GATA4: variants seen among roughly 807,000 people sequenced by gnomAD.
The protein encoded by GATA4 is GATA binding protein 4, also known as transcription factor GATA-4.
In GATA4, 7 loss-of-function variants were observed where a neutral mutation model predicts 37.9. The ratio of observed to expected loss-of-function variants is 0.18; its 90% CI spans 0.11 to 0.35. The LOEUF (loss-of-function observed/expected upper bound fraction) is 0.35. Ranked by LOEUF, GATA4 falls within the 10% of genes least tolerant of loss-of-function variation. The pLI is 1.00. For synonymous variants in GATA4, 372 were observed against 292.6 expected (o/e 1.27, Z -2.77); for missense variants, 647 against 653.0 (o/e 0.99, Z 0.10).
intron 2 of GATA4, among the ~76,000 whole-genome samples, chr8:11,731,332 C>G (rs555424312): frequency 1.3e-5 from 2 of 152,316 alleles, no homozygotes; most frequent in African/African-American, 4.8e-5. Flanking sequence ...TGGAAGTAGC[C>G]TAGGTGTCCA....
At chr8:11,702,385 C>T (rs1227764604), upstream of GATA4, among the ~76,000 whole-genome samples, 1 of 151,954 alleles carries the variant, frequency 6.6e-6, no homozygotes, top group Non-Finnish European at 1.5e-5. The surrounding 1 kb of genome is among the most constrained non-coding windows in gnomAD (Gnocchi z 4.4). Context: ...GATAGCTTCC[C>T]GCTCGCCCAA....
At chr8:11,695,929 A>T (rs1244819986) in intron 1 of GATA4, among the ~76,000 whole-genome samples, 1 of 152,178 alleles carries the variant, frequency 6.6e-6, no homozygotes, top group Admixed American at 6.5e-5. Context: ...TTGAAAAATG[A>T]TCCTTTAAAA....
upstream of GATA4, among the ~76,000 whole-genome samples, chr8:11,703,573 G>T (rs189941712): frequency 1.9e-3 from 283 of 152,376 alleles, no homozygotes; most frequent in South Asian, 9.3e-3. Flanking sequence ...TCGCCAGGAA[G>T]GGATGCAGAT....
chr8:11,750,166 C>T lies in GATA4; in HGVS notation c.842C>T (p.Thr281Met), dbSNP rs387906771. Residue 281 changes from threonine to methionine, a missense_variant, in exon 4 of 7, where the codon ACG becomes ATG. Transcript: ENST00000532059. ...GCCAACTGCCAGACCACCACCACCA[C>T]GCTGTGGCGCCGCAATGCGGAGGGC... ...SCANCQTTTT[T>M]LWRRNAEGEP... 3 of 1,613,784 alleles carry T rather than the reference C, an allele frequency of 1.9e-6. No homozygotes were observed. The highest frequency in any genetic ancestry group is 1.3e-5 in the African/African-American group (1 of 74,954).
chr8:11,750,906 C>T (rs1802273451), intron 4 of GATA4, among the ~76,000 whole-genome samples: 1 of 151,920 alleles, frequency 6.6e-6, no homozygotes, highest in African/African-American at 2.4e-5. Context: ...CTGATTGTCC[C>T]ACTGCACTCC....
At chr8:11,702,419 AAGGCCTTGCAGGTCCCTGCCGC>A (rs1799707738), upstream of GATA4, among the ~76,000 whole-genome samples, 2 of 151,608 alleles carry the variant, frequency 1.3e-5, no homozygotes, top group Admixed American at 1.3e-4. This position sits in a 1 kb window ranked among gnomAD's most constrained non-coding sequence, Gnocchi z 4.4. Flanking sequence ...ACTCTCCAGG[AAGGCCTTGCAGGTCCCTGCCGC>A]AGGCCTTGGC....
At chr8:11,745,640 C>A (rs1801994211) in intron 2 of GATA4, among the ~76,000 whole-genome samples, 1 of 151,996 alleles carries the variant, frequency 6.6e-6, no homozygotes, top group African/African-American at 2.4e-5. Flanking sequence ...AAAAAGACTC[C>A]ATTCCTGCAT....
intron 4 of GATA4, among the ~76,000 whole-genome samples, chr8:11,750,465 G>A (rs1238412776): frequency 1.3e-5 from 2 of 152,210 alleles, no homozygotes; most frequent in East Asian, 1.9e-4. Flanking sequence ...GCAGTTTGAT[G>A]TGTAACAAAG....
intron 2 of GATA4, among the ~76,000 whole-genome samples, chr8:11,739,164 C>A (rs535080816): frequency 9.2e-5 from 14 of 152,338 alleles, no homozygotes; most frequent in Admixed American, 3.9e-4. Flanking sequence ...AGTGCCTAGG[C>A]AGAGATGCTT....
chr8:11,750,008 C>A, intron 3 of GATA4, 103 bp from the exon 4 acceptor site: 1 of 1,545,672 alleles, frequency 6.5e-7, no homozygotes. Context: ...AGGGCCCAGC[C>A]CTGCCTCCCG....
At chr8:11,705,284 G>C (rs910873569) in intron 1 of GATA4, among the ~76,000 whole-genome samples, 1 of 152,194 alleles carries the variant, frequency 6.6e-6, no homozygotes, top group Non-Finnish European at 1.5e-5. Flanking sequence ...AAAGCCTGGG[G>C]TGTGGAGGTG....
intron 5 of GATA4, among the ~76,000 whole-genome samples, chr8:11,755,527 A>G (rs578095761): frequency 2.9e-4 from 44 of 152,322 alleles, no homozygotes; most frequent in African/African-American, 8.4e-4. Flanking sequence ...GCAGGGTCCA[A>G]TTAATCATGT....
chr8:11,720,576 T>C (rs1800627284), intron 2 of GATA4, among the ~76,000 whole-genome samples: 1 of 152,208 alleles, frequency 6.6e-6, no homozygotes, highest in Admixed American at 6.5e-5. Flanking sequence ...CCAATGCTTA[T>C]CTTTTCTACT....
At chr8:11,730,059 G>C (rs1410690532) in intron 2 of GATA4, among the ~76,000 whole-genome samples, 1 of 152,128 alleles carries the variant, frequency 6.6e-6, no homozygotes, top group African/African-American at 2.4e-5. Context: ...CTGAGTAGCT[G>C]GAATTACTAC....
At chr8:11,684,395 G>T (rs769747137) in intron 1 of GATA4, among the ~76,000 whole-genome samples, 2 of 152,198 alleles carry the variant, frequency 1.3e-5, no homozygotes, top group Non-Finnish European at 2.9e-5. Flanking sequence ...CTTCTCAAAA[G>T]TTGAAAATGA....
chr8:11,683,224 G>A, intron 1 of GATA4: 9 of 778,244 alleles, frequency 1.2e-5, no homozygotes, highest in Non-Finnish European at 1.4e-5. Context: ...ATCCGGAGCG[G>A]GGGAGGACGG....
At chr8:11,692,408 A>G (rs1040092285), upstream of GATA4, 1 of 709,148 alleles carries the variant, frequency 1.4e-6, no homozygotes, top group Non-Finnish European at 1.7e-6. Flanking sequence ...ATTTACGTTG[A>G]TTTCTCTACC....
At chr8:11,734,561 A>G (rs1416495823) in intron 2 of GATA4, among the ~76,000 whole-genome samples, 1 of 152,140 alleles carries the variant, frequency 6.6e-6, no homozygotes, top group African/African-American at 2.4e-5. Flanking sequence ...ACCTCGGCTC[A>G]CTGCAACCTC....
At chr8:11,741,935 G>A (rs922515071) in intron 2 of GATA4, among the ~76,000 whole-genome samples, 5 of 152,198 alleles carry the variant, frequency 3.3e-5, no homozygotes, top group Non-Finnish European at 7.3e-5. Context: ...TGTGGGCAGC[G>A]CTGGTGGGAC....
Sources: gnomAD v4.1 joint callset for allele counts (sites outside exome capture counted in the v4.1 genomes callset) on GRCh38, gnomAD v4.1.1 for gene constraint, Gnocchi (gnomAD v3.1) non-coding constraint, MANE v1.5 for transcripts, NCBI Gene and HGNC (gene_info 2026-07-23, HGNC 2026-07-21) for gene names.